The following XIRP2 variants were observed in gnomAD, a reference collection of about 807,000 sequenced individuals.
XIRP2 encodes the protein xin actin binding repeat containing 2, also known as xin actin-binding repeat-containing protein 2.
A neutral mutation model predicts 277.0 loss-of-function variants in XIRP2; 236 were observed. The ratio of observed to expected loss-of-function variants is 0.85; its 90% CI spans 0.77 to 0.95. The LOEUF (loss-of-function observed/expected upper bound fraction) is 0.95, where lower values mean the gene tolerates loss of function less well. Among genes scored for constraint, XIRP2 ranks in the 40% least tolerant of loss-of-function variants. XIRP2 has a pLI of 0.00. For synonymous variants in XIRP2, 1,490 were observed against 1,416.5 expected (o/e 1.05, Z -1.17); for missense variants, 4,640 against 4,157.5 (o/e 1.12, Z -3.19).
chr2:167,224,459 C>G (rs1694533808), intron 5 of XIRP2, among the ~76,000 whole-genome samples: 1 of 151,722 alleles, frequency 6.6e-6, no homozygotes, highest in African/African-American at 2.4e-5. Context: ...TTTTCTCAGA[C>G]TGGTCTCAAA....
At chr2:167,029,911 A>G (rs1431140059) in intron 2 of XIRP2, among the ~76,000 whole-genome samples, 1 of 152,008 alleles carries the variant, frequency 6.6e-6, no homozygotes, top group Admixed American at 6.6e-5. Flanking sequence ...CAGGGATTGG[A>G]CTTCTTCCTG....
chr2:167,112,973 T>C lies in XIRP2; in HGVS notation c.409-22936T>C, dbSNP rs994128082. Among the ~76,000 whole-genome samples the C allele has an allele frequency of 2.0e-5, 3 of 152,070 alleles. No homozygotes were observed. The East Asian group carries it at 5.8e-4, about 29-fold the overall frequency. On this transcript the variant is annotated intron_variant, in intron 2 of 10. Coordinates refer to ENST00000409195, the MANE Select transcript of XIRP2 (RefSeq NM_152381.6). The stretch of plus-strand genomic sequence containing the variant: ...CCTGGCCCTTGATTTCTATTTTTAA[T>C]GTGCTGTGGTCCAAGAGTTTGGTTG...
chr2:167,084,866 C>A (rs1468183685), intron 2 of XIRP2, among the ~76,000 whole-genome samples: 86 of 148,794 alleles, frequency 5.8e-4, no homozygotes, highest in African/African-American at 1.9e-3. Context: ...CGGTCTATCA[C>A]TTTTGTTGAT....
intron 2 of XIRP2, among the ~76,000 whole-genome samples, chr2:167,093,476 C>G (rs977910052): frequency 2.0e-5 from 3 of 152,008 alleles, no homozygotes; most frequent in Non-Finnish European, 2.9e-5. Flanking sequence ...TTGCCCCCAA[C>G]TCCCCAACAG....
At chr2:166,975,434 T>G (rs1574128846) in intron 2 of XIRP2, among the ~76,000 whole-genome samples, 1 of 152,286 alleles carries the variant, frequency 6.6e-6, no homozygotes, top group Admixed American at 6.5e-5. Context: ...AATTGAAATC[T>G]AATAGACTAT....
At chr2:166,963,786 A>T (rs928246176) in intron 2 of XIRP2, among the ~76,000 whole-genome samples, 2 of 151,838 alleles carry the variant, frequency 1.3e-5, no homozygotes, top group Admixed American at 1.3e-4. Flanking sequence ...AACATGTAAC[A>T]TCTTGAAATT....
chr2:166,909,600 C>G (rs1199813128), intron 2 of XIRP2, among the ~76,000 whole-genome samples: 1 of 152,148 alleles, frequency 6.6e-6, no homozygotes, highest in Non-Finnish European at 1.5e-5. Context: ...TAATTGAATA[C>G]CCTTAATTTC....
intron 1 of XIRP2, among the ~76,000 whole-genome samples, chr2:166,896,512 T>A (rs1294276104): frequency 6.6e-6 from 1 of 151,726 alleles, no homozygotes; most frequent in Admixed American, 6.6e-5. Flanking sequence ...AAGAAAAAGT[T>A]TATAAAATAA....
Position 166,913,478 on chromosome 2 carries a change from C to T in XIRP2, c.408+9588C>T, listed in dbSNP as rs555043970. ...TGCAGAAATCACCCATCTTCTGTGT[C>T]GCTCACGCTGGGAGCTGTAGACTGG... is the stretch of plus-strand genomic sequence containing the variant. On this transcript the variant is annotated intron_variant, in intron 2 of 10. Transcript: ENST00000409195. Among the ~76,000 whole-genome samples, 7 of 152,286 alleles carry T rather than the reference C, an allele frequency of 4.6e-5. No individual in the cohort carries two copies. The South Asian group carries it at 8.3e-4, about 18-fold the overall frequency.
intron 3 of XIRP2, among the ~76,000 whole-genome samples, chr2:167,169,734 C>T (rs1174990101): frequency 6.6e-6 from 1 of 152,124 alleles, no homozygotes; most frequent in African/African-American, 2.4e-5. Context: ...TATTTAGAAA[C>T]AGTATTTATT....
chr2:167,083,177 C>T (rs1335626189), intron 2 of XIRP2, among the ~76,000 whole-genome samples: 1 of 152,098 alleles, frequency 6.6e-6, no homozygotes, highest in Non-Finnish European at 1.5e-5. Context: ...GCCAGTTTTC[C>T]CAGCACCATT....
chr2:166,955,952 G>T (rs1374688398), intron 2 of XIRP2, among the ~76,000 whole-genome samples: 1 of 151,472 alleles, frequency 6.6e-6, no homozygotes, highest in Non-Finnish European at 1.5e-5. Flanking sequence ...TCTCTCAAAT[G>T]GCTGCAGTGT....
intron 3 of XIRP2, among the ~76,000 whole-genome samples, chr2:167,160,564 A>G (rs1447765426): frequency 6.6e-6 from 1 of 152,176 alleles, no homozygotes; most frequent in Admixed American, 6.5e-5. Flanking sequence ...GAGCTTGTGC[A>G]GGGAAACTCC....
intron 1 of XIRP2, among the ~76,000 whole-genome samples, chr2:166,895,841 A>G (rs1222765750): frequency 6.6e-6 from 1 of 152,190 alleles, no homozygotes; most frequent in African/African-American, 2.4e-5. Context: ...GAATACAAAT[A>G]CCAAAAAATT....
chr2:166,961,555 A>G (rs755401829), intron 2 of XIRP2, among the ~76,000 whole-genome samples: 1 of 151,796 alleles, frequency 6.6e-6, no homozygotes, highest in Non-Finnish European at 1.5e-5. Flanking sequence ...GGAAAGTGCT[A>G]TGTGTGACAA....
At chr2:167,174,764 A>AGAGATTC in intron 3 of XIRP2, among the ~76,000 whole-genome samples, 1 of 152,222 alleles carries the variant, frequency 6.6e-6, no homozygotes, top group Admixed American at 6.5e-5. Context: ...TCTGTGTCAC[A>AGAGATTC]GAGATTCTGG....
chr2:167,208,137 G>C (rs1392249166), intron 3 of XIRP2, among the ~76,000 whole-genome samples: 2 of 152,136 alleles, frequency 1.3e-5, no homozygotes, highest in Admixed American at 6.5e-5. Context: ...CTAAGCCTCA[G>C]AGACAAAAAC....
intron 3 of XIRP2, among the ~76,000 whole-genome samples, chr2:167,145,307 A>T (rs1045630029): frequency 8.5e-5 from 13 of 152,108 alleles, no homozygotes; most frequent in African/African-American, 3.1e-4. Context: ...AAGTCCAAAA[A>T]TTTTCCCCAC....
At chr2:167,127,951 C>G (rs977154854) in intron 2 of XIRP2, among the ~76,000 whole-genome samples, 4 of 152,204 alleles carry the variant, frequency 2.6e-5, no homozygotes, top group African/African-American at 9.6e-5. Context: ...ATGGCGTGTG[C>G]TGGATTCCCC....
Sources: gnomAD v4.1 joint callset for allele counts (sites outside exome capture counted in the v4.1 genomes callset) on GRCh38, gnomAD v4.1.1 for gene constraint, MANE v1.5 for transcripts, NCBI Gene and HGNC (gene_info 2026-07-23, HGNC 2026-07-21) for gene names.